AKAP19: variants seen among roughly 807,000 people sequenced by gnomAD.
The protein encoded by AKAP19 is small A-kinase anchoring protein.
At chr2:189,967,087 A>T in the AKAP19 span, among the ~76,000 whole-genome samples, 1 of 152,206 alleles carries the variant, frequency 6.6e-6, no homozygotes, top group African/African-American at 2.4e-5. Context: ...GACTTTGTAC[A>T]TAATTTCTTA....
At chr2:189,998,402 G>GA in the AKAP19 span, among the ~76,000 whole-genome samples, 11 of 151,498 alleles carry the variant, frequency 7.3e-5, no homozygotes, top group South Asian at 1.0e-3. Flanking sequence ...TTTTCTTAAT[G>GA]AAAAAAAAAT....
chr2:190,077,389 T>A, the AKAP19 span, among the ~76,000 whole-genome samples: 1 of 152,110 alleles, frequency 6.6e-6, no homozygotes, highest in Non-Finnish European at 1.5e-5. Context: ...TTTTGTGTTT[T>A]TATTTACAGA....
the AKAP19 span, among the ~76,000 whole-genome samples, chr2:189,977,000 A>G: frequency 6.6e-6 from 1 of 152,044 alleles, no homozygotes; most frequent in Non-Finnish European, 1.5e-5. Flanking sequence ...CCACTGTCCA[A>G]CAAGCCCCAG....
the AKAP19 span, among the ~76,000 whole-genome samples, chr2:190,003,104 C>T: frequency 1.3e-5 from 2 of 151,862 alleles, no homozygotes; most frequent in African/African-American, 4.8e-5. Context: ...AAATATTTTT[C>T]TCATTACGTT....
At chr2:190,185,919 A>G in the AKAP19 span, among the ~76,000 whole-genome samples, 3 of 152,334 alleles carry the variant, frequency 2.0e-5, no homozygotes, top group Admixed American at 2.0e-4. Flanking sequence ...TCCACGTTCC[A>G]AGGGAAGTTC....
the AKAP19 span, among the ~76,000 whole-genome samples, chr2:190,166,541 A>G: frequency 6.6e-6 from 1 of 152,036 alleles, no homozygotes; most frequent in Non-Finnish European, 1.5e-5. Flanking sequence ...TACATGTGCA[A>G]ACCAAATCCT....
the AKAP19 span, among the ~76,000 whole-genome samples, chr2:189,972,557 A>G: frequency 1.3e-5 from 2 of 152,192 alleles, no homozygotes; most frequent in East Asian, 1.9e-4. Flanking sequence ...CATTGAATCT[A>G]TAAATTACCT....
At chr2:189,939,680 G>A in the AKAP19 span, among the ~76,000 whole-genome samples, 6 of 152,110 alleles carry the variant, frequency 3.9e-5, no homozygotes, top group East Asian at 1.9e-4. Flanking sequence ...ATACAGAAAA[G>A]CAATTCAGAA....
chr2:189,985,438 C>T, the AKAP19 span, among the ~76,000 whole-genome samples: 1 of 152,154 alleles, frequency 6.6e-6, no homozygotes, highest in Admixed American at 6.6e-5. Flanking sequence ...CTTTCTTCAG[C>T]TGGTTGCAGA....
the AKAP19 span, among the ~76,000 whole-genome samples, chr2:190,192,824 G>A: frequency 6.6e-6 from 1 of 152,066 alleles, no homozygotes; most frequent in Non-Finnish European, 1.5e-5. Context: ...CTTCTGCTAA[G>A]TTTGTAGAAA....
the AKAP19 span, among the ~76,000 whole-genome samples, chr2:190,054,297 C>G: frequency 6.6e-6 from 1 of 152,042 alleles, no homozygotes; most frequent in East Asian, 1.9e-4. Context: ...ATGTAGAAAG[C>G]TGAAACTGGA....
At chr2:190,004,161 A>C in the AKAP19 span, among the ~76,000 whole-genome samples, 2 of 152,056 alleles carry the variant, frequency 1.3e-5, no homozygotes, top group African/African-American at 4.8e-5. Flanking sequence ...TTTAGGAGAT[A>C]TACCTAATGC....
chr2:190,154,157 G>A, the AKAP19 span, among the ~76,000 whole-genome samples: 48,570 of 151,976 alleles, frequency 0.32, 8,711 homozygotes, highest in African/African-American at 0.48. Context: ...TAATTTCTAT[G>A]GTAATTGACC....
chr2:190,157,365 T>TAC, the AKAP19 span, among the ~76,000 whole-genome samples: 18 of 117,072 alleles, frequency 1.5e-4, no homozygotes, highest in African/African-American at 3.6e-4. Flanking sequence ...CCTAAACTTG[T>TAC]ATACACACAC....
chr2:189,893,156 T>C, the AKAP19 span, among the ~76,000 whole-genome samples: 1 of 152,328 alleles, frequency 6.6e-6, no homozygotes, highest in African/African-American at 2.4e-5. Flanking sequence ...CCAGTGGATC[T>C]TAGCTTGCTG....
the AKAP19 span, among the ~76,000 whole-genome samples, chr2:190,179,105 G>A: frequency 3.3e-5 from 5 of 152,150 alleles, no homozygotes; most frequent in Non-Finnish European, 7.4e-5. The surrounding 1 kb of genome is among the most constrained non-coding windows in gnomAD (Gnocchi z 6.0). Context: ...TAATCAATTT[G>A]TATACATTAA....
the AKAP19 span, among the ~76,000 whole-genome samples, chr2:189,981,315 T>A: frequency 1.3e-5 from 2 of 151,996 alleles, no homozygotes; most frequent in South Asian, 4.2e-4. Context: ...TGAAGTCTGT[T>A]TTATTTGGTA....
At chr2:190,179,879 A>C in the AKAP19 span, among the ~76,000 whole-genome samples, 1 of 152,216 alleles carries the variant, frequency 6.6e-6, no homozygotes, top group Non-Finnish European at 1.5e-5. The surrounding 1 kb of genome is among the most constrained non-coding windows in gnomAD (Gnocchi z 6.0). Flanking sequence ...AAGGAAAATA[A>C]TGGTTCTTTT....
At chr2:190,145,965 G>T in the AKAP19 span, among the ~76,000 whole-genome samples, 1 of 121,346 alleles carries the variant, frequency 8.2e-6, no homozygotes, top group African/African-American at 2.9e-5. Flanking sequence ...CTTCCTGATG[G>T]TTATTCCATT....
Sources: gnomAD v4.1 joint callset for allele counts (sites outside exome capture counted in the v4.1 genomes callset) on GRCh38, gnomAD v4.1.1 for gene constraint, Gnocchi (gnomAD v3.1) non-coding constraint, MANE v1.5 for transcripts, NCBI Gene and HGNC (gene_info 2026-07-23, HGNC 2026-07-21) for gene names.